NT5C1B: variants seen among roughly 807,000 people sequenced by gnomAD.
The protein encoded by NT5C1B is 5'-nucleotidase, cytosolic IB.
NT5C1B carries 44 observed loss-of-function variants against 57.8 expected under a neutral mutation model. The observed-to-expected ratio is 0.76, with a 90% CI of 0.60 to 0.98. NT5C1B has a LOEUF of 0.98. Among genes scored for constraint, NT5C1B ranks in the 50% least tolerant of loss-of-function variants. The pLI is 0.00. For missense variants in NT5C1B, 742 were observed against 719.5 expected, an observed-to-expected ratio of 1.03 and a Z score of -0.36; for synonymous variants, 284 against 282.6, an observed-to-expected ratio of 1.00 and a Z score of -0.05.
chr2:18,578,191 A>G (rs1665876399), intron 6 of NT5C1B, among the ~76,000 whole-genome samples: 1 of 152,138 alleles, frequency 6.6e-6, no homozygotes, highest in African/African-American at 2.4e-5. Context: ...TTTACCAGAC[A>G]TATAAGAAGA....
At chr2:18,576,652 G>C in intron 7 of NT5C1B, 121 bp downstream of exon 7, 1 of 1,500,250 alleles carries the variant, frequency 6.7e-7, no homozygotes, top group Non-Finnish European at 8.9e-7. Flanking sequence ...GCCCCATGTG[G>C]AAAAACTTCA....
At chr2:18,580,869 A>G (rs1039729665) in intron 6 of NT5C1B, among the ~76,000 whole-genome samples, 1 of 152,208 alleles carries the variant, frequency 6.6e-6, no homozygotes, top group Non-Finnish European at 1.5e-5. Context: ...GTTCTCACTT[A>G]TAAGTGGGAG....
intron 8 of NT5C1B, among the ~76,000 whole-genome samples, chr2:18,568,362 T>G (rs1664845734): frequency 6.6e-6 from 1 of 152,054 alleles, no homozygotes; most frequent in Non-Finnish European, 1.5e-5. Flanking sequence ...TAAATAAGAT[T>G]AAAACTTTTT....
At chr2:18,580,528 T>G (rs1425381754) in intron 6 of NT5C1B, among the ~76,000 whole-genome samples, 2 of 152,148 alleles carry the variant, frequency 1.3e-5, no homozygotes, top group Admixed American at 6.5e-5. Flanking sequence ...GGCAGGAGAA[T>G]CACTTGAACC....
chr2:18,585,477 C>G (rs528036216), intron 3 of NT5C1B, among the ~76,000 whole-genome samples: 1 of 152,284 alleles, frequency 6.6e-6, no homozygotes, highest in African/African-American at 2.4e-5. Flanking sequence ...TGTCTCTCCC[C>G]GCTCCCCATG....
exon 7 of NT5C1B, chr2:18,576,778 T>C (rs1002583814): frequency 1.9e-6 from 3 of 1,613,508 alleles, no homozygotes; most frequent in Admixed American, 1.7e-5. Context: ...AATACCTTCT[T>C]GTATTGCCTC....
chr2:18,583,048 C>T, intron 5 of NT5C1B, 51 bp from the exon 6 acceptor site: 2 of 1,581,482 alleles, frequency 1.3e-6, no homozygotes, highest in East Asian at 2.3e-5. Context: ...CAGGGTGGAT[C>T]TGGGGAGGCC....
intron 1 of NT5C1B, among the ~76,000 whole-genome samples, chr2:18,587,907 A>G (rs996962557): frequency 8.5e-5 from 13 of 152,160 alleles, no homozygotes; most frequent in African/African-American, 3.1e-4. Context: ...GTTTATGTAG[A>G]ATAAGTTTGT....
chr2:18,564,027 G>A, exon 9 of NT5C1B: 1 of 1,614,036 alleles, frequency 6.2e-7, no homozygotes, highest in South Asian at 1.1e-5. Flanking sequence ...CTGTAACCAG[G>A]TAGGTCCTGA....
At chr2:18,587,807 A>G (rs1189541634) in intron 1 of NT5C1B, among the ~76,000 whole-genome samples, 2 of 152,208 alleles carry the variant, frequency 1.3e-5, no homozygotes, top group Non-Finnish European at 2.9e-5. Context: ...AAGTTTTAAT[A>G]TAGAAATTTG....
intron 8 of NT5C1B, among the ~76,000 whole-genome samples, chr2:18,566,510 G>A (rs1572298796): frequency 6.6e-6 from 1 of 152,168 alleles, no homozygotes; most frequent in Non-Finnish European, 1.5e-5. Flanking sequence ...AAAACTCATA[G>A]TGACTGTTGG....
intron 2 of NT5C1B, 133 bp downstream of exon 2, chr2:18,587,370 G>C: frequency 6.7e-7 from 1 of 1,497,974 alleles, no homozygotes; most frequent in South Asian, 1.4e-5. Context: ...ACCTTCTCAT[G>C]AGGACATTAG....
intron 6 of NT5C1B, among the ~76,000 whole-genome samples, chr2:18,578,842 G>A (rs1665933348): frequency 6.6e-6 from 1 of 152,064 alleles, no homozygotes; most frequent in Admixed American, 6.6e-5. Context: ...TAGAAAGAGA[G>A]GAAATCAGAT....
Position 18,584,138 on chromosome 2 carries a change from T to C in NT5C1B, c.841A>G (p.Thr281Ala). ...GGGGTCAGGATGACGTTCTCATTGG[T>C]GAGCTGATACTCCATGTACTTTTCC... The change falls in exon 5 of 9, where the codon ACC becomes GCC. Residue 281 changes from threonine (T) to alanine (A), a missense_variant. Thr to Ala is a moderately conservative substitution (Grantham distance 58). Transcript: ENST00000304081. The surrounding 1 kb of genome is among the most constrained non-coding windows in gnomAD (Gnocchi z 5.8). The C allele has an allele frequency of 6.2e-7, 1 of 1,614,168 alleles. No homozygotes were observed. Among genetic ancestry groups the C allele is most frequent in the Non-Finnish European group, 8.5e-7 (1 of 1,180,034 alleles).
intron 8 of NT5C1B, among the ~76,000 whole-genome samples, chr2:18,570,892 A>T (rs1040008063): frequency 6.6e-6 from 1 of 152,238 alleles, no homozygotes; most frequent in East Asian, 1.9e-4. Context: ...GCTTTTACAA[A>T]TCCATTAATG....
In NT5C1B at chr2:18,579,737, T is replaced by C. The variant is rs1194741724; in HGVS notation, c.1022-2842A>G. On this transcript the variant is annotated intron_variant, in intron 6 of 8. Transcript: ENST00000304081. ...TGGACAGGCTTTGGCAAAGATTTCA[T>C]GATGAAGACACCAAAAGCAATTGCA... Among the ~76,000 whole-genome samples, 3 of 152,234 alleles carry C rather than the reference T, an allele frequency of 2.0e-5. No homozygotes were observed. The East Asian group carries it at 5.8e-4, about 29-fold the overall frequency.
At position 18,586,357 on chromosome 2, in the gene NT5C1B, G is replaced by A. The variant is rs547323286; in HGVS notation, c.155C>T (p.Ser52Phe). Residue 52 changes from serine to phenylalanine, a missense_variant, in exon 3 of 9, where the codon TCT becomes TTT. Transcript: ENST00000304081. ...TTGACTGCGCACAAGGTACCCTCGA[G>A]AGTCTGTCTTCCGCAGTGATGATTC... The A allele has an allele frequency of 3.7e-6, 6 of 1,614,142 alleles. No homozygotes were observed. In the South Asian group the frequency reaches 5.5e-5, roughly 15 times the overall value.
Position 18,563,930 on chromosome 2 carries a change from C to CA in NT5C1B, c.1518dup (p.Gly507TrpfsTer18). The CA allele has an allele frequency of 1.2e-6, 2 of 1,614,176 alleles. No homozygotes were observed. Among genetic ancestry groups the CA allele is most frequent in the Non-Finnish European group, 1.7e-6 (2 of 1,180,014 alleles). ...ACCAAGATGGGACTTTTGGGGGCTC[C>CA]AGCAAGGAAAAGAGCTTCGTCTATC... On this transcript the variant is annotated frameshift_variant, in exon 9 of 9. Coordinates refer to ENST00000304081, the Ensembl canonical transcript of NT5C1B. LOFTEE classifies it high-confidence loss of function.
At chr2:18,587,368 A>T in intron 2 of NT5C1B, 135 bp downstream of exon 2, 1 of 1,495,726 alleles carries the variant, frequency 6.7e-7, no homozygotes, top group Non-Finnish European at 8.9e-7. Context: ...TAACCTTCTC[A>T]TGAGGACATT....
Sources: allele counts gnomAD v4.1 joint callset (sites outside exome capture counted in the v4.1 genomes callset), GRCh38; gene constraint gnomAD v4.1.1; non-coding constraint Gnocchi (gnomAD v3.1); transcripts MANE v1.5; gene names NCBI Gene and HGNC (gene_info 2026-07-23, HGNC 2026-07-21).